RELN: variants seen among roughly 807,000 people sequenced by gnomAD.
RELN encodes the protein reelin.
In RELN, 108 loss-of-function variants were observed where a neutral mutation model predicts 427.6. That is an observed-to-expected ratio of 0.25 (90% CI 0.22 to 0.30). The LOEUF (loss-of-function observed/expected upper bound fraction) is 0.30, where lower values mean the gene tolerates loss of function less well. Ranked by LOEUF, RELN falls within the 10% of genes least tolerant of loss-of-function variation. The pLI, the probability that RELN is intolerant of heterozygous loss-of-function variation, is 1.00. For missense variants in RELN, 3,715 were observed against 4,302.8 expected (o/e 0.86, Z 3.82); for synonymous variants, 1,524 against 1,513.4 (o/e 1.01, Z -0.16).
intron 1 of RELN, among the ~76,000 whole-genome samples, chr7:103,982,216 C>A (rs1797004917): frequency 1.3e-5 from 2 of 152,112 alleles, no homozygotes; most frequent in South Asian, 4.2e-4. Flanking sequence ...CAGATTTTCA[C>A]TTCATATCGC....
chr7:103,973,117 G>A (rs1303481656), intron 1 of RELN, among the ~76,000 whole-genome samples: 1 of 152,148 alleles, frequency 6.6e-6, no homozygotes, highest in Non-Finnish European at 1.5e-5. Flanking sequence ...TTAAGTAAAG[G>A]CATCTGGCAT....
At chr7:103,765,695 C>T (rs1791411035) in intron 4 of RELN, among the ~76,000 whole-genome samples, 1 of 152,100 alleles carries the variant, frequency 6.6e-6, no homozygotes, top group South Asian at 2.1e-4. Context: ...TGGTCTTTGT[C>T]CTTCAAAATA....
intron 52 of RELN, 107 bp from the exon 53 acceptor site, chr7:103,501,029 C>T: frequency 7.2e-6 from 7 of 977,678 alleles, no homozygotes; most frequent in Non-Finnish European, 1.1e-5. Flanking sequence ...ATTTAAGATA[C>T]TCTTACTAGA....
intron 63 of RELN, 48 bp from the exon 64 acceptor site, chr7:103,478,442 A>T: frequency 1.3e-6 from 1 of 742,404 alleles, no homozygotes; most frequent in East Asian, 2.5e-5. Context: ...ACACAAGTTA[A>T]AAAATGCCTT....
At chr7:103,788,919 C>T (rs528565760) in intron 3 of RELN, among the ~76,000 whole-genome samples, 2 of 152,232 alleles carry the variant, frequency 1.3e-5, no homozygotes, top group South Asian at 2.1e-4. Flanking sequence ...AGGTGTCATG[C>T]TACCTGACTT....
intron 2 of RELN, among the ~76,000 whole-genome samples, chr7:103,856,680 A>G (rs948273100): frequency 3.3e-5 from 5 of 152,070 alleles, no homozygotes; most frequent in African/African-American, 9.7e-5. Context: ...AGGAGTAAGC[A>G]TGGCTTTTTC....
intron 2 of RELN, among the ~76,000 whole-genome samples, chr7:103,894,468 T>C (rs935896160): frequency 1.3e-5 from 2 of 152,134 alleles, no homozygotes; most frequent in Non-Finnish European, 2.9e-5. Flanking sequence ...TTAGTCTAAA[T>C]AAAAAGTTGA....
At chr7:103,576,073 A>T (rs376596785) in intron 28 of RELN, among the ~76,000 whole-genome samples, 35 of 152,266 alleles carry the variant, frequency 2.3e-4, no homozygotes, top group African/African-American at 8.4e-4. Flanking sequence ...TCTACTAAAA[A>T]TAGAAAAAGT....
intron 6 of RELN, among the ~76,000 whole-genome samples, chr7:103,744,833 G>C (rs1277968187): frequency 6.6e-6 from 1 of 152,114 alleles, no homozygotes; most frequent in Non-Finnish European, 1.5e-5. Context: ...TTCTGCCAGA[G>C]GTACAAAGAG....
intron 1 of RELN, among the ~76,000 whole-genome samples, chr7:103,986,654 T>G (rs1211466501): frequency 3.2e-5 from 4 of 126,464 alleles, no homozygotes; most frequent in Admixed American, 8.0e-5. Flanking sequence ...AAAAAAAAAG[T>G]CACAACTATC....
At position 103,574,123 on chromosome 7, in the gene RELN, G is replaced by A. The variant is rs140263617; in HGVS notation, c.4480C>T (p.Arg1494Trp). ...YFNGPGKREA[R>W]TVPLDTRNIR... is the part of the protein sequence containing the mutation. Reference sequence around the variant, plus strand: ...TTCCTGGTGTCCAGAGGGACCGTCCGGGCTTCCCTTTTCCCAGGGCCATTG... The same window carrying A: ...TTCCTGGTGTCCAGAGGGACCGTCCAGGCTTCCCTTTTCCCAGGGCCATTG... Residue 1494 changes from arginine to tryptophan, a missense_variant, in exon 30 of 65, where the codon CGG becomes TGG. Arg to Trp is a moderately radical substitution (Grantham distance 101, BLOSUM62 -3). Transcript: ENST00000428762. 39 of 1,613,966 alleles carry A rather than the reference G, an allele frequency of 2.4e-5. No individual in the cohort carries two copies. The highest frequency in any genetic ancestry group is 3.0e-5 in the Non-Finnish European group (35 of 1,180,006).
chr7:103,949,108 T>C (rs752266034), intron 1 of RELN, among the ~76,000 whole-genome samples: 4 of 148,418 alleles, frequency 2.7e-5, no homozygotes, highest in East Asian at 4.0e-4. Context: ...CACGCACACA[T>C]ATATATATGT....
At chr7:103,482,762 G>T in intron 63 of RELN, 111 bp downstream of exon 63, 1 of 1,571,516 alleles carries the variant, frequency 6.4e-7, no homozygotes, top group Non-Finnish European at 8.6e-7. Flanking sequence ...AAGTGCTCCT[G>T]TGGGGGCTTC....
intron 2 of RELN, among the ~76,000 whole-genome samples, chr7:103,896,172 A>G (rs1055775657): frequency 2.0e-5 from 3 of 152,084 alleles, no homozygotes; most frequent in Non-Finnish European, 2.9e-5. Context: ...AGAAACACTG[A>G]CACCACCGAA....
intron 20 of RELN, among the ~76,000 whole-genome samples, chr7:103,624,256 C>T (rs1832279416): frequency 6.6e-6 from 1 of 152,070 alleles, no homozygotes; most frequent in Admixed American, 6.6e-5. Flanking sequence ...TGTCAATTCC[C>T]TTTGACTTGG....
intron 1 of RELN, among the ~76,000 whole-genome samples, chr7:103,987,333 C>A (rs547549509): frequency 6.6e-6 from 1 of 152,262 alleles, no homozygotes; most frequent in African/African-American, 2.4e-5. Flanking sequence ...GTTATCCATT[C>A]CTTTTCAGAC....
At chr7:103,487,879 CA>C (rs1393979319) in intron 60 of RELN, among the ~76,000 whole-genome samples, 1 of 152,188 alleles carries the variant, frequency 6.6e-6, no homozygotes, top group Non-Finnish European at 1.5e-5. Flanking sequence ...CGTGGTGGCT[CA>C]TGCCTGTAAT....
At chr7:103,868,486 T>C (rs918645949) in intron 2 of RELN, among the ~76,000 whole-genome samples, 3 of 152,128 alleles carry the variant, frequency 2.0e-5, no homozygotes, top group African/African-American at 2.4e-5. Flanking sequence ...AGAATCTTCA[T>C]CTACTAAGAA....
At position 103,909,753 on chromosome 7, in the gene RELN, ATT is replaced by A. The variant is rs1451492031; in HGVS notation, c.337+7320_337+7321del. ...TTTTTTAATATATATAAATATATAT[ATT>A]AAATATATATATTTAATATATATAA... is the stretch of plus-strand genomic sequence containing the variant. On this transcript the variant is annotated intron_variant, in intron 2 of 64. Coordinates refer to ENST00000428762, the MANE Select transcript of RELN (RefSeq NM_005045.4). Among the ~76,000 whole-genome samples the A allele has an allele frequency of 1.3e-3, 110 of 82,064 alleles. 11 individuals carry two copies. Among genetic ancestry groups the A allele is most frequent in the African/African-American group, 4.7e-3 (70 of 14,942 alleles). 53.8% of individuals were successfully genotyped at this position (82,064 alleles called of 152,430 possible). A position where few individuals can be genotyped will look rare whatever the true frequency, so the allele number is the denominator to read the frequency against.
Sources: allele counts gnomAD v4.1 joint callset (sites outside exome capture counted in the v4.1 genomes callset), GRCh38; gene constraint gnomAD v4.1.1; transcripts MANE v1.5; gene names NCBI Gene and HGNC (gene_info 2026-07-23, HGNC 2026-07-21).